The following TMED3 variants were observed in gnomAD, a reference collection of about 807,000 sequenced individuals.
TMED3 encodes transmembrane emp24 domain-containing protein 3.
TMED3 carries 9 observed loss-of-function variants against 15.0 expected under a neutral mutation model. The ratio of observed to expected loss-of-function variants is 0.60; its 90% CI spans 0.36 to 1.04. The LOEUF is 1.04. Among genes scored for constraint, TMED3 ranks in the 50% least tolerant of loss-of-function variants. The pLI is 0.01. For synonymous variants in TMED3, 117 were observed against 121.4 expected (o/e 0.96, Z 0.24); for missense variants, 267 against 278.9 (o/e 0.96, Z 0.30).
chr15:79,356,675 CA>C (rs1008288634), intron 2 of TMED3, among the ~76,000 whole-genome samples: 7 of 152,292 alleles, frequency 4.6e-5, no homozygotes, highest in Admixed American at 3.3e-4. Context: ...GAGGTCTACG[CA>C]AGGGGGTCAG....
At chr15:79,399,189 G>T (rs773156761) in intron 2 of TMED3, among the ~76,000 whole-genome samples, 7 of 152,122 alleles carry the variant, frequency 4.6e-5, no homozygotes, top group Non-Finnish European at 1.0e-4. Context: ...GGAATTACAG[G>T]CATGAGCCAC....
chr15:79,346,031 C>A (rs2058870122), intron 2 of TMED3, among the ~76,000 whole-genome samples: 1 of 151,822 alleles, frequency 6.6e-6, no homozygotes, highest in South Asian at 2.1e-4. Flanking sequence ...TGTTTAAGTT[C>A]TTTATAGATG....
At chr15:79,314,031 C>A in intron 2 of TMED3, 26 bp downstream of exon 2, 1 of 1,612,756 alleles carries the variant, frequency 6.2e-7, no homozygotes, top group Non-Finnish European at 8.5e-7. Flanking sequence ...CAGTTCGGGG[C>A]TGCTGAACCC....
chr15:79,378,406 C>T (rs1484240370), intron 2 of TMED3, among the ~76,000 whole-genome samples: 9 of 152,192 alleles, frequency 5.9e-5, no homozygotes, highest in Admixed American at 3.9e-4. Context: ...TCCAGTGATT[C>T]GGAGACTCAA....
rs2141255674 is a variant in TMED3, at chr15:79,396,447, C to T, written c.418-14953C>T. On this transcript the variant is annotated intron_variant, in intron 2 of 2. Coordinates refer to the TMED3 transcript ENST00000424155. ...TGTCCAGTACCTGGCAAGGATGGCTCAGTGGCCATCCTAAGTAGAAACATC... is the reference window on the plus strand; with the variant it reads ...TGTCCAGTACCTGGCAAGGATGGCTTAGTGGCCATCCTAAGTAGAAACATC... 2.0e-5 allele frequency among the ~76,000 whole-genome samples: 3 copies of T among 152,286 alleles called. No homozygotes were observed. In the Middle Eastern group the frequency reaches 0.01, roughly 518 times the overall value.
downstream of TMED3, among the ~76,000 whole-genome samples, chr15:79,323,303 C>T (rs553525096): frequency 6.6e-6 from 1 of 152,280 alleles, no homozygotes; most frequent in South Asian, 2.1e-4. Flanking sequence ...CTGAAGGAAA[C>T]CTATCAAATC....
At chr15:79,314,756 G>A (rs1335940683) in intron 2 of TMED3, 1 of 281,400 alleles carries the variant, frequency 3.6e-6, no homozygotes, top group Non-Finnish European at 7.4e-6. Context: ...TGACATTTTG[G>A]GGGGATAGTC....
intron 2 of TMED3, among the ~76,000 whole-genome samples, chr15:79,345,182 A>G (rs536120152): frequency 6.6e-6 from 1 of 152,132 alleles, no homozygotes; most frequent in African/African-American, 2.4e-5. Flanking sequence ...TCAGGGGTAC[A>G]TGTGCAGGTT....
chr15:79,325,381 A>G (rs1567024121), downstream of TMED3, among the ~76,000 whole-genome samples: 1 of 152,184 alleles, frequency 6.6e-6, no homozygotes, highest in Non-Finnish European at 1.5e-5. Context: ...GAAAGCTTTA[A>G]TCCTCGAGGC....
At chr15:79,372,800 C>T (rs1008178662) in intron 2 of TMED3, among the ~76,000 whole-genome samples, 4 of 152,194 alleles carry the variant, frequency 2.6e-5, no homozygotes, top group Non-Finnish European at 5.9e-5. Flanking sequence ...CTGACTCTAC[C>T]GTTCAGTTCC....
intron 2 of TMED3, among the ~76,000 whole-genome samples, chr15:79,370,851 A>G (rs1893325446): frequency 6.6e-6 from 1 of 152,166 alleles, no homozygotes; most frequent in African/African-American, 2.4e-5. Flanking sequence ...TCTTCTGCTC[A>G]TATTGCTTCA....
At chr15:79,360,137 C>A (rs74879771) in intron 2 of TMED3, among the ~76,000 whole-genome samples, 1 of 152,142 alleles carries the variant, frequency 6.6e-6, no homozygotes, top group South Asian at 2.1e-4. Context: ...GGGCAGGTAG[C>A]CATGGGATCC....
intron 2 of TMED3, among the ~76,000 whole-genome samples, chr15:79,362,488 A>G (rs1353707189): frequency 6.6e-6 from 1 of 152,092 alleles, no homozygotes; most frequent in Non-Finnish European, 1.5e-5. Context: ...CTGTCTCTAA[A>G]AAAAGTTTAA....
chr15:79,366,226 T>C (rs562211016), intron 2 of TMED3, among the ~76,000 whole-genome samples: 2 of 152,314 alleles, frequency 1.3e-5, no homozygotes, highest in South Asian at 2.1e-4. Flanking sequence ...TTATCAGTAC[T>C]GTACACAGCA....
chr15:79,402,164 G>A (rs1893842267), intron 2 of TMED3, among the ~76,000 whole-genome samples: 1 of 152,142 alleles, frequency 6.6e-6, no homozygotes, highest in Admixed American at 6.5e-5. Context: ...GCTGAGGATG[G>A]CTAAGGCTCA....
chr15:79,332,847 G>A (rs1019912842), intron 2 of TMED3, among the ~76,000 whole-genome samples: 1 of 152,176 alleles, frequency 6.6e-6, no homozygotes, highest in Admixed American at 6.5e-5. Flanking sequence ...GTGGGACATG[G>A]AGTCTAGCAA....
intron 2 of TMED3, among the ~76,000 whole-genome samples, chr15:79,376,270 T>A (rs1385167812): frequency 6.6e-6 from 1 of 152,228 alleles, no homozygotes; most frequent in Non-Finnish European, 1.5e-5. Context: ...TAAACCATGC[T>A]ATGAAGATCA....
Position 79,411,517 on chromosome 15 carries a change from G to T in TMED3, c.*13G>T, listed in dbSNP as rs564700372. The T allele has an allele frequency of 4.3e-6, 3 of 701,788 alleles. No individual in the cohort carries two copies. In the South Asian group the frequency reaches 4.4e-5, roughly 10 times the overall value. 43.5% of individuals were successfully genotyped at this position (701,788 alleles called of 1,614,324 possible). On this transcript the variant is annotated 3_prime_UTR_variant, in exon 3 of 3. Transcript: ENST00000424155. ...GGCACCCTCCTAACAGATTTTCAGC[G>T]GGGAGGCACTGAGAGTGGATGGAGG...
At chr15:79,385,738 G>A (rs996674590) in intron 2 of TMED3, among the ~76,000 whole-genome samples, 5 of 152,084 alleles carry the variant, frequency 3.3e-5, no homozygotes, top group South Asian at 2.1e-4. Flanking sequence ...TCCCTAGAGC[G>A]GGAGGCCTGG....
Sources: allele counts gnomAD v4.1 joint callset (sites outside exome capture counted in the v4.1 genomes callset), GRCh38; gene constraint gnomAD v4.1.1; transcripts MANE v1.5; gene names NCBI Gene and HGNC (gene_info 2026-07-23, HGNC 2026-07-21).